The following STON2 variants were observed in gnomAD, a reference collection of about 807,000 sequenced individuals.
The protein encoded by STON2 is stonin-2.
Under a neutral mutation model 65.7 loss-of-function variants are expected in STON2, and 29 were observed. The observed-to-expected ratio is 0.44, with a 90% CI of 0.33 to 0.60. The LOEUF is 0.60. Among genes scored for constraint, STON2 ranks in the 20% least tolerant of loss-of-function variants. The pLI, the probability that STON2 is intolerant of heterozygous loss-of-function variation, is 0.03. For synonymous variants in STON2, 404 were observed against 414.2 expected (o/e 0.98, Z 0.30); for missense variants, 1,054 against 1,118.1 (o/e 0.94, Z 0.82).
chr14:81,368,046 T>A (rs1047118251), intron 4 of STON2, among the ~76,000 whole-genome samples: 2 of 152,250 alleles, frequency 1.3e-5, no homozygotes, highest in Non-Finnish European at 2.9e-5. Flanking sequence ...CTGCTACACA[T>A]CTTGTTTTAA....
intron 1 of STON2, among the ~76,000 whole-genome samples, chr14:81,435,169 T>C (rs1566958929): frequency 1.3e-5 from 2 of 152,210 alleles, no homozygotes; most frequent in Non-Finnish European, 2.9e-5. Flanking sequence ...TTGGAATGCA[T>C]TTATCTCTCT....
At chr14:81,356,022 T>G (rs946143980) in intron 4 of STON2, among the ~76,000 whole-genome samples, 31 of 152,314 alleles carry the variant, frequency 2.0e-4, no homozygotes, top group African/African-American at 7.5e-4. Context: ...CTAATTGCCC[T>G]GGCCAGAACT....
chr14:81,411,877 G>GTTT lies in STON2; in HGVS notation c.-198-13298_-198-13297insAAA, dbSNP rs1160720992. Among the ~76,000 whole-genome samples, 38 of 142,092 alleles carry GTTT rather than the reference G, an allele frequency of 2.7e-4. 1 individual carries two copies. The highest frequency in any genetic ancestry group is 5.1e-4 in the African/African-American group (18 of 35,216). 93.2% of individuals were successfully genotyped at this position (142,092 alleles called of 152,430 possible). A position where few individuals can be genotyped will look rare whatever the true frequency, so the allele number is the denominator to read the frequency against. On this transcript the variant is annotated intron_variant, in intron 2 of 8. Transcript: ENST00000553821. ...GCAGAGTTAAGACAAGGAATAACAA[G>GTTT]GAATCTTATACATAGAGTGACAGAA...
rs560437171 is a variant in STON2, at chr14:81,278,416, G to A, written c.1066C>T (p.Arg356Cys). 347 of 1,614,168 alleles carry A rather than the reference G, an allele frequency of 2.1e-4. 9 individuals are homozygous for A. The South Asian group carries it at 3.3e-3, about 15-fold the overall frequency. ...VQKLDISSLN[R>C]TPSVTEASPW... ...GAAGCCTCAGTTACAGAAGGCGTGCGGTTTAAAGAGGAAATATCCAGCTTC... is the reference window on the plus strand; with the variant it reads ...GAAGCCTCAGTTACAGAAGGCGTGCAGTTTAAAGAGGAAATATCCAGCTTC... The change falls in exon 6 of 8, where the codon CGC becomes TGC. Residue 356 changes from arginine to cysteine, a missense_variant. By Grantham distance (180) the Arg-to-Cys change is radical. Coordinates refer to ENST00000614646, the MANE Select transcript of STON2 (RefSeq NM_001394390.1).
intron 3 of STON2, among the ~76,000 whole-genome samples, chr14:81,387,019 CTT>C (rs1289378412): frequency 2.6e-5 from 4 of 152,118 alleles, no homozygotes; most frequent in African/African-American, 2.4e-5. Context: ...GTTAATCAAA[CTT>C]TTTGTAACTA....
chr14:81,331,729 G>T (rs1897224415), intron 4 of STON2, among the ~76,000 whole-genome samples: 1 of 152,186 alleles, frequency 6.6e-6, no homozygotes, highest in African/African-American at 2.4e-5. Flanking sequence ...AAGCTGCATT[G>T]TCCCTCCTCT....
rs917210125 is a variant in STON2 at position 81,409,947 on chromosome 14, GAAATATAGTTCTA to G, written c.-198-11380_-198-11368del. ...GAGATACAGTGAGAAATATAGTTCT[GAAATATAGTTCTA>G]AAATATAGTTCTAAAAAGTATTTTT... On this transcript the variant is annotated intron_variant, in intron 2 of 8. Coordinates refer to the STON2 transcript ENST00000553821. Among the ~76,000 whole-genome samples, 10 of 152,294 alleles carry G rather than the reference GAAATATAGTTCTA, an allele frequency of 6.6e-5. No individual in the cohort carries two copies. In the East Asian group the frequency reaches 1.5e-3, roughly 24 times the overall value.
chr14:81,287,779 C>T (rs1838713370), intron 5 of STON2, among the ~76,000 whole-genome samples: 2 of 152,172 alleles, frequency 1.3e-5, no homozygotes. Flanking sequence ...ATGCTCTCCC[C>T]AATACTCTAC....
intron 5 of STON2, among the ~76,000 whole-genome samples, chr14:81,320,273 T>A (rs761128857): frequency 2.0e-5 from 3 of 150,356 alleles, no homozygotes; most frequent in Non-Finnish European, 3.0e-5. Context: ...GGAACTGACA[T>A]ACCCACACAC....
chr14:81,414,579 C>T (rs1901330274), intron 2 of STON2, among the ~76,000 whole-genome samples: 1 of 151,756 alleles, frequency 6.6e-6, no homozygotes, highest in African/African-American at 2.4e-5. Flanking sequence ...CTTGGAAACA[C>T]AAAAGTTTGA....
chr14:81,338,822 G>C (rs1034462973), intron 4 of STON2, among the ~76,000 whole-genome samples: 1 of 152,198 alleles, frequency 6.6e-6, no homozygotes, highest in Non-Finnish European at 1.5e-5. Context: ...TCTGTATTGA[G>C]AGTAAGAGCG....
chr14:81,394,766 T>TG (rs1191482792), intron 3 of STON2, among the ~76,000 whole-genome samples: 1 of 152,092 alleles, frequency 6.6e-6, no homozygotes, highest in African/African-American at 2.4e-5. Flanking sequence ...CTCTGAAAGC[T>TG]GGGAAGGGCC....
intron 4 of STON2, among the ~76,000 whole-genome samples, chr14:81,337,932 T>C (rs974816463): frequency 6.6e-6 from 1 of 151,866 alleles, no homozygotes. Context: ...GACTCCACCA[T>C]AAATAAAAAA....
At chr14:81,353,610 CAG>C (rs766944493) in intron 4 of STON2, among the ~76,000 whole-genome samples, 2 of 152,202 alleles carry the variant, frequency 1.3e-5, no homozygotes, top group Non-Finnish European at 2.9e-5. Flanking sequence ...ACAGGCCCAA[CAG>C]AGAGGATTTC....
chr14:81,366,404 C>T (rs1234245113), intron 4 of STON2, among the ~76,000 whole-genome samples: 1 of 152,136 alleles, frequency 6.6e-6, no homozygotes, highest in African/African-American at 2.4e-5. Flanking sequence ...ACCGTAATCC[C>T]TCTCCAAACA....
chr14:81,344,385 A>T (rs967586181), intron 4 of STON2, among the ~76,000 whole-genome samples: 2 of 152,342 alleles, frequency 1.3e-5, no homozygotes, highest in Non-Finnish European at 2.9e-5. Flanking sequence ...AGAAATATAC[A>T]TATAAACACA....
intron 6 of STON2, among the ~76,000 whole-genome samples, chr14:81,271,857 A>T (rs1894608531): frequency 6.6e-5 from 10 of 152,210 alleles, no homozygotes; most frequent in Admixed American, 6.5e-4. Flanking sequence ...TTGAGTCTTC[A>T]GTATGATCTT....
intron 4 of STON2, among the ~76,000 whole-genome samples, chr14:81,337,590 G>T (rs1051948255): frequency 2.0e-4 from 30 of 152,154 alleles, no homozygotes; most frequent in African/African-American, 7.0e-4. Flanking sequence ...ATTGAGCAGA[G>T]ACATGAATGG....
intron 3 of STON2, among the ~76,000 whole-genome samples, chr14:81,388,173 C>T (rs1251232752): frequency 2.6e-5 from 4 of 151,810 alleles, no homozygotes; most frequent in Non-Finnish European, 4.4e-5. Context: ...TGGTCTCAAA[C>T]TCCTGACCTT....
Sources: gnomAD v4.1 joint callset for allele counts (sites outside exome capture counted in the v4.1 genomes callset) on GRCh38, gnomAD v4.1.1 for gene constraint, MANE v1.5 for transcripts, NCBI Gene and HGNC (gene_info 2026-07-23, HGNC 2026-07-21) for gene names.